Variants in SH3PXD2B observed in about 807,000 individuals in gnomAD.
The protein encoded by SH3PXD2B is SH3 and PX domain-containing protein 2B.
A neutral mutation model predicts 73.1 loss-of-function variants in SH3PXD2B; 37 were observed. That is an observed-to-expected ratio of 0.51 (90% CI 0.39 to 0.67). The LOEUF (loss-of-function observed/expected upper bound fraction) is 0.67. Ranked by LOEUF, SH3PXD2B falls within the 30% of genes least tolerant of loss-of-function variation. The pLI is 0.00. For synonymous variants in SH3PXD2B, 457 were observed against 480.5 expected, an observed-to-expected ratio of 0.95 and a Z score of 0.64; for missense variants, 1,053 against 1,197.8, an observed-to-expected ratio of 0.88 and a Z score of 1.78.
chr5:172,332,884 T>C (rs1014167994), downstream of SH3PXD2B, among the ~76,000 whole-genome samples: 28 of 151,356 alleles, frequency 1.8e-4, no homozygotes, highest in African/African-American at 6.5e-4. Context: ...TTGGGCAGTC[T>C]CTGCGGCCCA....
At chr5:172,431,001 G>A (rs1297065639) in intron 1 of SH3PXD2B, among the ~76,000 whole-genome samples, 1 of 152,046 alleles carries the variant, frequency 6.6e-6, no homozygotes, top group Non-Finnish European at 1.5e-5. Context: ...CAAGTAGCTG[G>A]GATTACAGGC....
At position 172,339,182 on chromosome 5, in the gene SH3PXD2B, C is replaced by T; in HGVS notation, c.1923G>A (p.Gln641=). The T allele has an allele frequency of 1.2e-6, 2 of 1,614,236 alleles. No homozygotes were observed. Among genetic ancestry groups the T allele is most frequent in the African/African-American group, 1.3e-5 (1 of 75,068 alleles). Residue 641 remains glutamine, a synonymous_variant, in exon 13 of 13, where the codon CAG becomes CAA. Coordinates refer to ENST00000311601, the MANE Select transcript of SH3PXD2B (RefSeq NM_001017995.3). This position sits in a 1 kb window ranked among gnomAD's most constrained non-coding sequence, Gnocchi z 6.1. ...PQNPFLKSRP[Q]VRPKPAPSPK... ...GGGAAGGAGCTGGTTTTGGCCTAAC[C>T]TGAGGTCTGGACTTCAAGAAGGGAT...
chr5:172,399,744 C>CAA (rs1561923229), intron 3 of SH3PXD2B, among the ~76,000 whole-genome samples: 1 of 152,334 alleles, frequency 6.6e-6, no homozygotes, highest in East Asian at 1.9e-4. Context: ...CTTCAGCACT[C>CAA]AATCTCGCTT....
At chr5:172,446,593 T>C (rs933706301) in intron 1 of SH3PXD2B, among the ~76,000 whole-genome samples, 2 of 152,222 alleles carry the variant, frequency 1.3e-5, no homozygotes, top group African/African-American at 4.8e-5. Context: ...ACAGTCCCTC[T>C]AGCCTTCCTT....
At chr5:172,453,458 G>A (rs1759848964) in intron 1 of SH3PXD2B, among the ~76,000 whole-genome samples, 1 of 152,102 alleles carries the variant, frequency 6.6e-6, no homozygotes, top group Admixed American at 6.5e-5. Context: ...AGGTTGCTGC[G>A]GAAGCCACTT....
rs1759504986 is a variant in SH3PXD2B, at chr5:172,439,692, G to GCACACACACACGCGCACACACA, written c.75+14585_75+14586insTGTGTGTGCGCGTGTGTGTGTG. 8.7e-5 allele frequency among the ~76,000 whole-genome samples: 12 copies of GCACACACACACGCGCACACACA among 138,626 alleles called. No homozygotes were observed. The South Asian group carries it at 2.7e-3, about 31-fold the overall frequency. 90.9% of individuals were successfully genotyped at this position (138,626 alleles called of 152,430 possible). On this transcript the variant is annotated intron_variant, in intron 1 of 12. Transcript: ENST00000311601. ...TGTGCGTGCGTGCGCGCACGCGCGC[G>GCACACACACACGCGCACACACA]CACACACACACACACACACACACAC...
intron 7 of SH3PXD2B, 118 bp downstream of exon 7, chr5:172,362,617 G>T: frequency 7.0e-7 from 1 of 1,435,274 alleles, no homozygotes; most frequent in Non-Finnish European, 9.8e-7. Flanking sequence ...CCCTCAGCAG[G>T]ATCTATGGGA....
chr5:172,384,445 G>A (rs1758014360), intron 4 of SH3PXD2B, among the ~76,000 whole-genome samples: 1 of 152,150 alleles, frequency 6.6e-6, no homozygotes, highest in Non-Finnish European at 1.5e-5. Context: ...TGTGCTACCA[G>A]CACCGCCATC....
chr5:172,329,083 A>ATTTTTTTTTTTTTTTT (rs1164155218), downstream of SH3PXD2B, among the ~76,000 whole-genome samples: 11 of 61,814 alleles, frequency 1.8e-4, 1 homozygote, highest in African/African-American at 8.6e-4. Flanking sequence ...ATATATATAT[A>ATTTTTTTTTTTTTTTT]TTTTTTTTTT....
At chr5:172,440,669 A>T (rs544533881) in intron 1 of SH3PXD2B, among the ~76,000 whole-genome samples, 99 of 152,284 alleles carry the variant, frequency 6.5e-4, no homozygotes, top group African/African-American at 2.3e-3. Flanking sequence ...CTCAGTAGGG[A>T]GCCACCAGGT....
At position 172,334,551 on chromosome 5, in the gene SH3PXD2B, G is replaced by C; in HGVS notation, c.*3818C>G. On this transcript the variant is annotated 3_prime_UTR_variant, in exon 13 of 13. Coordinates refer to ENST00000311601, the MANE Select transcript of SH3PXD2B (RefSeq NM_001017995.3). ...CAGCCACACATGGCTCAGGCTGTTAGGTGTCCACTGTCACAGTCCAAAGAG... is the reference window on the plus strand; with the variant it reads ...CAGCCACACATGGCTCAGGCTGTTACGTGTCCACTGTCACAGTCCAAAGAG... The C allele has an allele frequency of 6.1e-6, 6 of 985,468 alleles. No individual in the cohort carries two copies. The highest frequency in any genetic ancestry group is 7.2e-6 in the Non-Finnish European group (6 of 830,070). The allele number at this position is 985,468 out of a possible 1,614,324, so 61.0% of individuals were successfully genotyped here. A position where few individuals can be genotyped will look rare whatever the true frequency, so the allele number is the denominator to read the frequency against.
chr5:172,337,391 G>A lies in SH3PXD2B; in HGVS notation c.*978C>T, dbSNP rs1756727790. Reference sequence around the variant, plus strand: ...CTCTTCCCTCTTCCTCCTGGCTGGTGTGTCCTTGGGCACATGGAGCGTGAA... The same window carrying A: ...CTCTTCCCTCTTCCTCCTGGCTGGTATGTCCTTGGGCACATGGAGCGTGAA... On this transcript the variant is annotated 3_prime_UTR_variant, in exon 13 of 13. Coordinates refer to ENST00000311601, the MANE Select transcript of SH3PXD2B (RefSeq NM_001017995.3). 1 of 982,058 alleles carries A rather than the reference G, an allele frequency of 1.0e-6. No individual in the cohort carries two copies. The highest frequency in any genetic ancestry group is 1.2e-6 in the Non-Finnish European group (1 of 826,854). 60.8% of individuals were successfully genotyped at this position (982,058 alleles called of 1,614,324 possible).
At chr5:172,433,483 G>A (rs1419860810) in intron 1 of SH3PXD2B, among the ~76,000 whole-genome samples, 1 of 152,110 alleles carries the variant, frequency 6.6e-6, no homozygotes, top group African/African-American at 2.4e-5. Context: ...AAAAGATGTC[G>A]CTTTCTAGGA....
chr5:172,335,698 A>C lies in SH3PXD2B; in HGVS notation c.*2671T>G, dbSNP rs143890389. The stretch of plus-strand genomic sequence containing the variant: ...CATATGCGCCATCAATCGCTCACAG[A>C]ATAGCGACCACAGTCCTGGATGGGG... On this transcript the variant is annotated 3_prime_UTR_variant, in exon 13 of 13. Transcript: ENST00000311601. The C allele has an allele frequency of 3.2e-6, 4 of 1,231,724 alleles. No individual in the cohort carries two copies. The highest frequency in any genetic ancestry group is 4.0e-6 in the Non-Finnish European group (4 of 987,968). The allele number at this position is 1,231,724 out of a possible 1,614,324, so 76.3% of individuals were successfully genotyped here.
At chr5:172,397,110 C>T (rs1758319101) in intron 3 of SH3PXD2B, among the ~76,000 whole-genome samples, 2 of 152,218 alleles carry the variant, frequency 1.3e-5, no homozygotes, top group South Asian at 2.1e-4. Context: ...CAAGGAACAG[C>T]CCTGAGAAAG....
chr5:172,355,689 T>A (rs931869328), intron 8 of SH3PXD2B, among the ~76,000 whole-genome samples: 1 of 151,842 alleles, frequency 6.6e-6, no homozygotes, highest in African/African-American at 2.4e-5. Flanking sequence ...GGACTACAGG[T>A]GCCCGCCACC....
rs568772308 is a variant in SH3PXD2B, at chr5:172,434,600, TGAGGCATG to T, written c.76-12112_76-12105del. Among the ~76,000 whole-genome samples, 792 of 152,362 alleles carry T rather than the reference TGAGGCATG, an allele frequency of 5.2e-3. 3 individuals are homozygous for T. Among genetic ancestry groups the T allele is most frequent in the Middle Eastern group, 0.017 (5 of 294 alleles). ...GTTTTTGCCCTGCTAGTAAAATCTC[TGAGGCATG>T]GGGGAATGTCCTCCAGTCTTACTTT... On this transcript the variant is annotated intron_variant, in intron 1 of 12. Coordinates refer to ENST00000311601, the MANE Select transcript of SH3PXD2B (RefSeq NM_001017995.3).
In SH3PXD2B at chr5:172,337,828, T is replaced by C. The variant is rs1756740125; in HGVS notation, c.*541A>G. 1.0e-6 allele frequency: 1 copy of C among 999,480 alleles called. No homozygotes were observed. Among genetic ancestry groups the C allele is most frequent in the Non-Finnish European group, 1.2e-6 (1 of 837,906 alleles). The allele number at this position is 999,480 out of a possible 1,614,324, so 61.9% of individuals were successfully genotyped here. On this transcript the variant is annotated 3_prime_UTR_variant, in exon 13 of 13. Transcript: ENST00000311601. ...TGAGGCTTTGGGGAAGGGGACACTT[T>C]CCCTGGAACTGGTAATGGAATGCAT...
intron 12 of SH3PXD2B, among the ~76,000 whole-genome samples, chr5:172,344,559 G>C (rs1470661053): frequency 1.6e-5 from 2 of 123,900 alleles, no homozygotes; most frequent in Non-Finnish European, 3.2e-5. Flanking sequence ...TTGCACTCCA[G>C]CCTGGGCAAC....
Sources: gnomAD v4.1 joint callset for allele counts (sites outside exome capture counted in the v4.1 genomes callset) on GRCh38, gnomAD v4.1.1 for gene constraint, Gnocchi (gnomAD v3.1) non-coding constraint, MANE v1.5 for transcripts, NCBI Gene and HGNC (gene_info 2026-07-23, HGNC 2026-07-21) for gene names.